Variants in PCDHA7 observed in about 807,000 individuals in gnomAD.
The protein encoded by PCDHA7 is protocadherin alpha-7.
In PCDHA7, 37 loss-of-function variants were observed where a neutral mutation model predicts 57.2. The ratio of observed to expected loss-of-function variants is 0.65; its 90% confidence interval spans 0.50 to 0.85. The LOEUF (loss-of-function observed/expected upper bound fraction) is 0.85. Among genes scored for constraint, PCDHA7 ranks in the 40% least tolerant of loss-of-function variants. The pLI is 0.00. For missense variants in PCDHA7, 1,188 were observed against 1,241.8 expected (o/e 0.96, Z 0.65); for synonymous variants, 553 against 558.8 (o/e 0.99, Z 0.15).
intron 1 of PCDHA7, among the ~76,000 whole-genome samples, chr5:140,873,542 T>C (rs2054341425): frequency 6.6e-6 from 1 of 152,130 alleles, no homozygotes; most frequent in Non-Finnish European, 1.5e-5. Context: ...GGTATAAAAT[T>C]ATAATTTCAA....
chr5:140,870,297 C>T, intron 1 of PCDHA7: 1 of 1,614,186 alleles, frequency 6.2e-7, no homozygotes, highest in Non-Finnish European at 8.5e-7. Context: ...AGCTGGTGTC[C>T]ACCTTCAAGA....
chr5:140,972,350 A>G (rs897251940), intron 1 of PCDHA7, among the ~76,000 whole-genome samples: 3 of 150,008 alleles, frequency 2.0e-5, no homozygotes, highest in Admixed American at 1.3e-4. Flanking sequence ...GGGTCTCACT[A>G]TGTTGCACAT....
chr5:140,991,152 C>A (rs533894396), intron 3 of PCDHA7, among the ~76,000 whole-genome samples: 29 of 152,168 alleles, frequency 1.9e-4, no homozygotes, highest in Non-Finnish European at 3.2e-4. Flanking sequence ...TTTTGCTCAC[C>A]ATTGTATTCC....
intron 1 of PCDHA7, among the ~76,000 whole-genome samples, chr5:140,923,820 CG>C (rs1297703305): frequency 6.6e-6 from 1 of 152,106 alleles, no homozygotes; most frequent in Non-Finnish European, 1.5e-5. Flanking sequence ...TGAAAATAGA[CG>C]TCAGTGGCAG....
chr5:140,897,947 T>G (rs1276045551), intron 1 of PCDHA7, among the ~76,000 whole-genome samples: 14 of 152,168 alleles, frequency 9.2e-5, no homozygotes, highest in African/African-American at 3.4e-4. Context: ...CAGTGATGAT[T>G]AGCATTTTTT....
intron 1 of PCDHA7, among the ~76,000 whole-genome samples, chr5:140,973,378 A>C (rs1453357452): frequency 6.6e-6 from 1 of 152,238 alleles, no homozygotes; most frequent in Non-Finnish European, 1.5e-5. Context: ...CAATGGTCAG[A>C]ATAGACAAAG....
chr5:140,968,553 G>T (rs782583876), intron 1 of PCDHA7: 1 of 1,614,132 alleles, frequency 6.2e-7, no homozygotes. Context: ...ATGGTGCCTC[G>T]AACTGCCCCT....
chr5:140,936,275 T>C (rs1423652397), intron 1 of PCDHA7, among the ~76,000 whole-genome samples: 1 of 152,216 alleles, frequency 6.6e-6, no homozygotes, highest in African/African-American at 2.4e-5. Context: ...TATATTCCTG[T>C]GTTTTCTTCT....
intron 1 of PCDHA7, among the ~76,000 whole-genome samples, chr5:140,951,817 C>T (rs981107617): frequency 6.6e-6 from 1 of 152,146 alleles, no homozygotes; most frequent in Non-Finnish European, 1.5e-5. Flanking sequence ...CCCTCAAAGT[C>T]TGAACTCATT....
At chr5:140,954,526 G>A (rs2095049912) in intron 1 of PCDHA7, among the ~76,000 whole-genome samples, 1 of 152,184 alleles carries the variant, frequency 6.6e-6, no homozygotes, top group Admixed American at 6.5e-5. Flanking sequence ...GATCAGTGAT[G>A]TTGAGGTTTT....
At chr5:140,850,796 C>T (rs1344673921) in intron 1 of PCDHA7, 7 of 1,598,190 alleles carry the variant, frequency 4.4e-6, no homozygotes, top group African/African-American at 1.3e-5. Context: ...AGCAGAAGAC[C>T]GACCTCATGG....
intron 1 of PCDHA7, among the ~76,000 whole-genome samples, chr5:140,897,219 C>T (rs1169975962): frequency 1.1e-4 from 17 of 152,004 alleles, no homozygotes; most frequent in Admixed American, 1.1e-3. Flanking sequence ...TTTTAGGGTA[C>T]ATGTGCACAA....
intron 3 of PCDHA7, among the ~76,000 whole-genome samples, chr5:141,007,339 T>C (rs2098316015): frequency 6.9e-6 from 1 of 143,904 alleles, no homozygotes; most frequent in Non-Finnish European, 1.5e-5. Context: ...TTGCCTGAGC[T>C]CAGGAGTTCG....
chr5:140,851,098 T>G lies in PCDHA7; in HGVS notation c.2355+14360T>G, dbSNP rs922217993. ...TAAACTGTATATTAAATAGATATTT[T>G]TTGGGTGCTGAATCAATTTTATTTA... On this transcript the variant is annotated intron_variant, in intron 1 of 3. Transcript: ENST00000525929. The G allele has an allele frequency of 1.5e-6, 2 of 1,293,414 alleles. 1 individual carries two copies. The highest frequency in any genetic ancestry group is 3.1e-5 in the African/African-American group (2 of 65,490). 80.1% of individuals were successfully genotyped at this position (1,293,414 alleles called of 1,614,324 possible).
intron 1 of PCDHA7, chr5:140,841,071 T>TAAATTATGATAA (rs1198848273): frequency 1.2e-5 from 6 of 492,312 alleles, no homozygotes; most frequent in Non-Finnish European, 2.1e-5. Context: ...GATAAAGAAA[T>TAAATTATGATAA]AGAAAGTGCA....
At chr5:140,883,219 A>G (rs1416740017) in intron 1 of PCDHA7, 1 of 1,613,942 alleles carries the variant, frequency 6.2e-7, no homozygotes, top group Non-Finnish European at 8.5e-7. Flanking sequence ...AATTATATGA[A>G]ATATCCGTGG....
chr5:140,850,425 C>T (rs2150483747), intron 1 of PCDHA7: 2 of 1,597,932 alleles, frequency 1.3e-6, no homozygotes, highest in Non-Finnish European at 8.6e-7. Context: ...GGACGCACCG[C>T]GCCAGCGCCT....
At chr5:140,880,877 A>G (rs1399131370) in intron 1 of PCDHA7, among the ~76,000 whole-genome samples, 8 of 152,232 alleles carry the variant, frequency 5.3e-5, no homozygotes, top group Non-Finnish European at 8.8e-5. Context: ...GAGGTAAATA[A>G]AGAAATGTAG....
rs781928314 is a variant in PCDHA7 at position 140,876,618 on chromosome 5, T to A, written c.2355+39880T>A. On this transcript the variant is annotated intron_variant, in intron 1 of 3. Coordinates refer to ENST00000525929, the MANE Select transcript of PCDHA7 (RefSeq NM_018910.3). ...TGTCGGATCGTGACTCTGGAGCCAA[T>A]GGACAGGTCATCTGCTCACTGACAC... is the stretch of plus-strand genomic sequence containing the variant. 3.7e-6 allele frequency: 6 copies of A among 1,614,074 alleles called. No homozygotes were observed. The South Asian group carries it at 4.4e-5, about 12-fold the overall frequency.
Sources: allele counts gnomAD v4.1 joint callset (sites outside exome capture counted in the v4.1 genomes callset), GRCh38; gene constraint gnomAD v4.1.1; transcripts MANE v1.5; gene names NCBI Gene and HGNC (gene_info 2026-07-23, HGNC 2026-07-21).